The following MAN1A1 variants were observed in gnomAD, a reference collection of about 807,000 sequenced individuals.
MAN1A1 encodes the protein mannosyl-oligosaccharide 1,2-alpha-mannosidase IA.
In MAN1A1, 29 loss-of-function variants were observed where a neutral mutation model predicts 70.8. The ratio of observed to expected loss-of-function variants is 0.41; its 90% CI spans 0.31 to 0.56. MAN1A1 has a LOEUF of 0.56. MAN1A1 is among the 20% of genes least tolerant of loss of function. MAN1A1 has a pLI of 0.29. For missense variants in MAN1A1, 747 were observed against 841.3 expected (o/e 0.89, Z 1.39); for synonymous variants, 349 against 330.1 (o/e 1.06, Z -0.62).
chr6:119,318,875 T>C (rs1277273759), intron 2 of MAN1A1, among the ~76,000 whole-genome samples: 2 of 152,208 alleles, frequency 1.3e-5, no homozygotes, highest in Non-Finnish European at 2.9e-5. Context: ...TTGGTTTCAT[T>C]GAGGATTGTA....
intron 9 of MAN1A1, among the ~76,000 whole-genome samples, chr6:119,192,671 A>T (rs781065390): frequency 1.3e-5 from 2 of 152,062 alleles, no homozygotes; most frequent in Non-Finnish European, 2.9e-5. Context: ...GAAAAATAAA[A>T]TTTTTCTGAG....
chr6:119,294,985 T>C (rs1772163174), intron 4 of MAN1A1, among the ~76,000 whole-genome samples: 1 of 152,126 alleles, frequency 6.6e-6, no homozygotes, highest in Admixed American at 6.6e-5. Flanking sequence ...ACTATACATG[T>C]ATGTAAATTT....
chr6:119,348,902 C>G lies in MAN1A1; in HGVS notation c.164G>C (p.Cys55Ser). The G allele has an allele frequency of 6.5e-7, 1 of 1,537,412 alleles. No homozygotes were observed. The highest frequency in any genetic ancestry group is 1.2e-5 in the South Asian group (1 of 82,654). ...TGGCAGGAAGAAGATCGCCCCGAAG[C>G]AGAGCGTGATGAAGGCGCTGAATAC... ...LLVFSAFITL[C>S]FGAIFFLPDS... The change falls in exon 2 of 13, where the codon TGC becomes TCC. Residue 55 changes from cysteine (C) to serine (S), a missense_variant. Physicochemically the swap from Cys to Ser is moderately radical, Grantham distance 112. Transcript: ENST00000368468.
At chr6:119,350,255 G>T (rs1773874695), upstream of MAN1A1, among the ~76,000 whole-genome samples, 1 of 152,178 alleles carries the variant, frequency 6.6e-6, no homozygotes, top group East Asian at 1.9e-4. Flanking sequence ...TCGTTCAGAA[G>T]CACGGCTTTA....
intron 6 of MAN1A1, among the ~76,000 whole-genome samples, chr6:119,243,750 T>C (rs1346206623): frequency 1.3e-5 from 2 of 152,068 alleles, no homozygotes; most frequent in African/African-American, 4.8e-5. Flanking sequence ...TGTATTTTCA[T>C]CAGATAATTA....
Position 119,186,116 on chromosome 6 carries a change from C to T in MAN1A1, c.1719+2289G>A, listed in dbSNP as rs73767275. Among the ~76,000 whole-genome samples the T allele has an allele frequency of 1.0e-3, 158 of 152,184 alleles. 1 individual carries two copies. The highest frequency in any genetic ancestry group is 3.8e-3 in the African/African-American group (156 of 41,510). The stretch of plus-strand genomic sequence containing the variant: ...TCTGGTACCCCCAGAGCACAGAACA[C>T]TGTAAATTGTGGCTTCAAAATAAAT... On this transcript the variant is annotated intron_variant, in intron 11 of 12. Transcript: ENST00000368468.
intron 4 of MAN1A1, among the ~76,000 whole-genome samples, chr6:119,300,237 GT>G (rs1318708390): frequency 4.0e-5 from 6 of 151,420 alleles, no homozygotes; most frequent in Non-Finnish European, 2.9e-5. Context: ...TAGAACTGAA[GT>G]TTTTTTGTTT....
intron 2 of MAN1A1, among the ~76,000 whole-genome samples, chr6:119,339,180 T>C (rs1244702319): frequency 6.6e-6 from 1 of 152,196 alleles, no homozygotes; most frequent in Admixed American, 6.5e-5. Flanking sequence ...ATTCATTATA[T>C]GACACATGGG....
intron 6 of MAN1A1, among the ~76,000 whole-genome samples, chr6:119,205,244 C>G (rs1320755806): frequency 6.6e-6 from 1 of 152,156 alleles, no homozygotes; most frequent in Non-Finnish European, 1.5e-5. Context: ...ACATAAAGCT[C>G]TTCAACATTT....
intron 2 of MAN1A1, among the ~76,000 whole-genome samples, chr6:119,335,735 AC>A (rs1773433804): frequency 6.6e-6 from 1 of 152,078 alleles, no homozygotes; most frequent in Non-Finnish European, 1.5e-5. Context: ...AAGTGAGAAG[AC>A]TCTCCTTTTG....
chr6:119,350,127 C>G (rs1028935336), upstream of MAN1A1, among the ~76,000 whole-genome samples: 5 of 152,102 alleles, frequency 3.3e-5, no homozygotes, highest in Non-Finnish European at 7.4e-5. Flanking sequence ...GCCCGGGAGG[C>G]GCCTGGGTCC....
At chr6:119,314,767 TGAA>T (rs2114465216) in intron 2 of MAN1A1, among the ~76,000 whole-genome samples, 1 of 152,258 alleles carries the variant, frequency 6.6e-6, no homozygotes, top group South Asian at 2.1e-4. Flanking sequence ...CTGGCTCAAC[TGAA>T]GACCCTCACA....
At chr6:119,279,240 A>G (rs1776162890) in intron 5 of MAN1A1, among the ~76,000 whole-genome samples, 1 of 152,196 alleles carries the variant, frequency 6.6e-6, no homozygotes, top group South Asian at 2.1e-4. Context: ...CAAGCAATTC[A>G]ATCAGTCCAT....
intron 6 of MAN1A1, among the ~76,000 whole-genome samples, chr6:119,214,367 A>C (rs1470186634): frequency 6.6e-6 from 1 of 152,198 alleles, no homozygotes; most frequent in African/African-American, 2.4e-5. Context: ...AAAATGTTTC[A>C]AAGAACAAAG....
intron 2 of MAN1A1, among the ~76,000 whole-genome samples, chr6:119,330,947 C>T (rs1773293985): frequency 6.6e-6 from 1 of 152,150 alleles, no homozygotes; most frequent in African/African-American, 2.4e-5. Flanking sequence ...TACTCTCTAC[C>T]CCTTTGGGCT....
intron 6 of MAN1A1, among the ~76,000 whole-genome samples, chr6:119,208,897 C>T (rs1277498529): frequency 6.6e-6 from 1 of 151,976 alleles, no homozygotes; most frequent in East Asian, 1.9e-4. Flanking sequence ...GAGTTCGAGA[C>T]CAGCCTGGGC....
Position 119,339,902 on chromosome 6 carries a change from C to A in MAN1A1, c.603+8561G>T, listed in dbSNP as rs184535237. On this transcript the variant is annotated intron_variant, in intron 2 of 12. Coordinates refer to ENST00000368468, the MANE Select transcript of MAN1A1 (RefSeq NM_005907.4). ...GATCAGGAATTTGAGACTAGCCTGG[C>A]CAATGTGGGGAAACCTTGCCTCTAC... Among the ~76,000 whole-genome samples, 105 of 152,176 alleles carry A rather than the reference C, an allele frequency of 6.9e-4. 1 individual carries two copies. Among genetic ancestry groups the A allele is most frequent in the Middle Eastern group, 3.4e-3 (1 of 294 alleles).
chr6:119,223,369 C>A (rs1774418319), intron 6 of MAN1A1, among the ~76,000 whole-genome samples: 1 of 151,766 alleles, frequency 6.6e-6, no homozygotes, highest in African/African-American at 2.4e-5. Flanking sequence ...TAGCAGAAAC[C>A]AAACACCACC....
At chr6:119,189,496 A>C (rs1773380853) in intron 10 of MAN1A1, among the ~76,000 whole-genome samples, 168 bp downstream of exon 10, 1 of 152,194 alleles carries the variant, frequency 6.6e-6, no homozygotes, top group Non-Finnish European at 1.5e-5. Flanking sequence ...ATTTTTAGGA[A>C]GAAAAGCATT....
Sources: allele counts gnomAD v4.1 joint callset (sites outside exome capture counted in the v4.1 genomes callset), GRCh38; gene constraint gnomAD v4.1.1; transcripts MANE v1.5; gene names NCBI Gene and HGNC (gene_info 2026-07-23, HGNC 2026-07-21).